THAP1: variants seen among roughly 807,000 people sequenced by gnomAD.
THAP1 encodes THAP domain containing 1.
In THAP1, 6 loss-of-function variants were observed where a neutral mutation model predicts 18.2. The observed-to-expected ratio is 0.33, with a 90% confidence interval of 0.18 to 0.65. THAP1 has a LOEUF of 0.65. Among genes scored for constraint, THAP1 ranks in the 30% least tolerant of loss-of-function variants. THAP1 has a pLI of 0.74. For missense variants in THAP1, 176 were observed against 253.0 expected (o/e 0.70, Z 2.06); for synonymous variants, 85 against 90.5 (o/e 0.94, Z 0.34).
chr8:42,841,758 G>A (rs1312751790), intron 1 of THAP1, among the ~76,000 whole-genome samples: 1 of 152,130 alleles, frequency 6.6e-6, no homozygotes, highest in Non-Finnish European at 1.5e-5. Flanking sequence ...CATTTAGAAA[G>A]AACATGTTTA....
intron 1 of THAP1, among the ~76,000 whole-genome samples, chr8:42,840,163 C>A (rs192352714): frequency 6.6e-6 from 1 of 152,224 alleles, no homozygotes; most frequent in African/African-American, 2.4e-5. Context: ...CCACTGCACT[C>A]CAGCCTGGGT....
At chr8:42,839,570 G>A (rs1802678739) in intron 1 of THAP1, among the ~76,000 whole-genome samples, 189 bp from the exon 2 acceptor site, 1 of 152,034 alleles carries the variant, frequency 6.6e-6, no homozygotes, top group South Asian at 2.1e-4. Context: ...ATTTTTTTGA[G>A]ATGCCGTCTT....
chr8:42,837,681 T>TA lies in THAP1; in HGVS notation c.*280dup, dbSNP rs886062946. 256 of 209,512 alleles carry TA rather than the reference T, an allele frequency of 1.2e-3. No individual in the cohort carries two copies. Among genetic ancestry groups the TA allele is most frequent in the East Asian group, 5.2e-3 (47 of 9,022 alleles). The allele number at this position is 209,512 out of a possible 1,614,324, so 13.0% of individuals were successfully genotyped here. A position where few individuals can be genotyped will look rare whatever the true frequency, so the allele number is the denominator to read the frequency against. On this transcript the variant is annotated 3_prime_UTR_variant, in exon 3 of 3. Coordinates refer to ENST00000254250, the MANE Select transcript of THAP1 (RefSeq NM_018105.3). ...ATTTTTACATTATTTCTATAAATACTAAAAAAAAACCCCAAAATCCCCAAT... is the reference window on the plus strand; with the variant it reads ...ATTTTTACATTATTTCTATAAATACTAAAAAAAAAACCCCAAAATCCCCAAT...
Position 42,842,624 on chromosome 8 carries a change from G to A in THAP1, c.71+400C>T, listed in dbSNP as rs72644042. ...CTCCCATCCACGGCAAGGGCGAAAA[G>A]TAGTGATTTCTTCGTTTAAAGGCCT... On this transcript the variant is annotated intron_variant, in intron 1 of 2. Transcript: ENST00000254250. 1,211 of 152,730 alleles carry A rather than the reference G, an allele frequency of 7.9e-3. 10 individuals carry two copies. Among genetic ancestry groups the A allele is most frequent in the Middle Eastern group, 0.014 (4 of 296 alleles). 9.5% of individuals were successfully genotyped at this position (152,730 alleles called of 1,614,324 possible).
Position 42,837,472 on chromosome 8 carries a change from T to C in THAP1, c.*490A>G, listed in dbSNP as rs1266131488. On this transcript the variant is annotated 3_prime_UTR_variant, in exon 3 of 3. Coordinates refer to ENST00000254250, the MANE Select transcript of THAP1 (RefSeq NM_018105.3). ...ACTGATTCAGAAAGATAAATGAACC[T>C]TGTGACTTTACATATGAGAATATGT... is the stretch of plus-strand genomic sequence containing the variant. The C allele has an allele frequency of 1.3e-5, 2 of 152,498 alleles. No homozygotes were observed. Among genetic ancestry groups the C allele is most frequent in the African/African-American group, 4.8e-5 (2 of 41,442 alleles). 9.4% of individuals were successfully genotyped at this position (152,498 alleles called of 1,614,324 possible).
At chr8:42,838,375 T>C (rs1326723498) in intron 2 of THAP1, 39 bp from the exon 3 acceptor site, 1 of 1,608,440 alleles carries the variant, frequency 6.2e-7, no homozygotes, top group Non-Finnish European at 8.5e-7. Flanking sequence ...ATTTAGTAAC[T>C]AAAAACAGTT....
intron 1 of THAP1, chr8:42,842,671 C>T (rs1409507301): frequency 1.3e-5 from 2 of 157,090 alleles, no homozygotes; most frequent in Admixed American, 6.5e-5. Context: ...TTAAATTTAC[C>T]CCTAAGACCA....
At chr8:42,840,796 G>A (rs1197213848) in intron 1 of THAP1, among the ~76,000 whole-genome samples, 3 of 151,846 alleles carry the variant, frequency 2.0e-5, no homozygotes, top group Admixed American at 6.6e-5. Context: ...GTGAAACCCT[G>A]TCTCTACTAA....
At chr8:42,840,184 T>C (rs934254040) in intron 1 of THAP1, among the ~76,000 whole-genome samples, 2 of 152,018 alleles carry the variant, frequency 1.3e-5, no homozygotes, top group Non-Finnish European at 2.9e-5. Flanking sequence ...GACAGAGCCA[T>C]ACCGTCTCAA....
Position 42,839,179 on chromosome 8 carries a change from A to G in THAP1, c.267+7T>C, listed in dbSNP as rs776323533. 41 of 1,613,906 alleles carry G rather than the reference A, an allele frequency of 2.5e-5. No individual in the cohort carries two copies. In the South Asian group the frequency reaches 3.2e-4, roughly 13 times the overall value. On this transcript the variant is annotated splice_region_variant and intron_variant, in intron 2 of 2. Coordinates refer to ENST00000254250, the MANE Select transcript of THAP1 (RefSeq NM_018105.3). ...AAAGCAACCCAATATTTTAAAATGCATATTACCTTGTCATGTGGCTCAGTA... is the reference window on the plus strand; with the variant it reads ...AAAGCAACCCAATATTTTAAAATGCGTATTACCTTGTCATGTGGCTCAGTA...
intron 1 of THAP1, among the ~76,000 whole-genome samples, chr8:42,839,726 T>C (rs1201674382): frequency 5.3e-5 from 8 of 152,196 alleles, no homozygotes; most frequent in African/African-American, 1.7e-4. Context: ...TTTGTACTTT[T>C]AGTAGAGATG....
In THAP1 at chr8:42,837,322, T is replaced by A. The variant is rs1055874390; in HGVS notation, c.*640A>T. On this transcript the variant is annotated 3_prime_UTR_variant, in exon 3 of 3. Transcript: ENST00000254250. ...CAGTAGGGGAAAAAATAGGAGCCCA[T>A]GTAAAAAAAAAAAATCCACTCTTAG... is the stretch of plus-strand genomic sequence containing the variant. The A allele has an allele frequency of 2.0e-5, 3 of 151,610 alleles. No homozygotes were observed. The highest frequency in any genetic ancestry group is 7.3e-5 in the African/African-American group (3 of 41,296). 9.4% of individuals were successfully genotyped at this position (151,610 alleles called of 1,614,324 possible). A position where few individuals can be genotyped will look rare whatever the true frequency, so the allele number is the denominator to read the frequency against.
chr8:42,839,069 T>C (rs990260939), intron 2 of THAP1, 117 bp downstream of exon 2: 8 of 1,107,070 alleles, frequency 7.2e-6, no homozygotes, highest in Admixed American at 5.7e-5. Flanking sequence ...CACTGTTAAC[T>C]ACAAGGTTCC....
chr8:42,838,173 TG>T lies in THAP1; in HGVS notation c.430del (p.His144ThrfsTer9), dbSNP rs1802650121. ...DHNYTVEDTMHQRKRIHQLEQ... is the reference protein window; with the variant it reads ...DHNYTVEDTMXQRKRIHQLEQ... The stretch of plus-strand genomic sequence containing the variant: ...TAGCTGATGAATCCTTTTCCGCTGG[TG>T]CATTGTATCCTCCACAGTATAGTTG... On this transcript the variant is annotated frameshift_variant, in exon 3 of 3. Transcript: ENST00000254250. LOFTEE classifies it high-confidence loss of function. 6.2e-7 allele frequency: 1 copy of T among 1,614,048 alleles called. No homozygotes were observed. Among genetic ancestry groups the T allele is most frequent in the Non-Finnish European group, 8.5e-7 (1 of 1,180,046 alleles).
chr8:42,843,169 G>T lies in THAP1; in HGVS notation c.-75C>A. Reference sequence around the variant, plus strand: ...AGCTGTTCTCAGTGTCGCTGCGCTCGGTTGGATTCCCTCGCTTCTTTTGTA... The same window carrying T: ...AGCTGTTCTCAGTGTCGCTGCGCTCTGTTGGATTCCCTCGCTTCTTTTGTA... On this transcript the variant is annotated 5_prime_UTR_variant, in exon 1 of 3. Transcript: ENST00000254250. 6.4e-7 allele frequency: 1 copy of T among 1,572,852 alleles called. No homozygotes were observed. The highest frequency in any genetic ancestry group is 1.3e-5 in the African/African-American group (1 of 74,108).
At chr8:42,841,477 C>T (rs939369391) in intron 1 of THAP1, among the ~76,000 whole-genome samples, 6 of 151,758 alleles carry the variant, frequency 4.0e-5, no homozygotes, top group South Asian at 2.1e-4. Context: ...TTAGTAGAGA[C>T]GGGATTTTGC....
chr8:42,839,695 C>T (rs563040351), intron 1 of THAP1, among the ~76,000 whole-genome samples: 176 of 152,224 alleles, frequency 1.2e-3, no homozygotes, highest in Non-Finnish European at 2.0e-3. Context: ...CTCAGGCGTG[C>T]GCCACCACGC....
In THAP1 at chr8:42,843,063, T is replaced by C. The variant is rs1192493866; in HGVS notation, c.32A>G (p.Lys11Arg). The change falls in exon 1 of 3, where the codon AAG becomes AGG. Residue 11 changes from lysine (K) to arginine (R), a missense_variant. Coordinates refer to ENST00000254250, the MANE Select transcript of THAP1 (RefSeq NM_018105.3). Reference sequence around the variant, plus strand: ...GGGCTTGTCCTTGTCGTAGCGGTTCTTGCAGCCGTAGGCGGAGCAGGACTG... The same window carrying C: ...GGGCTTGTCCTTGTCGTAGCGGTTCCTGCAGCCGTAGGCGGAGCAGGACTG... MVQSCSAYGC[K>R]NRYDKDKPVS... 1 of 1,613,354 alleles carries C rather than the reference T, an allele frequency of 6.2e-7. No individual in the cohort carries two copies. The highest frequency in any genetic ancestry group is 2.2e-5 in the East Asian group (1 of 44,890).
At position 42,843,113 on chromosome 8, in the gene THAP1, C is replaced by G. The variant is rs924163308; in HGVS notation, c.-19G>C. On this transcript the variant is annotated 5_prime_UTR_variant, in exon 1 of 3. Coordinates refer to ENST00000254250, the MANE Select transcript of THAP1 (RefSeq NM_018105.3). ...GCACCATCCTTCCGGTCCTCAGGCA[C>G]TTCACTTCTGCCGCCGCAGAAGGCA... is the stretch of plus-strand genomic sequence containing the variant. 2.5e-6 allele frequency: 4 copies of G among 1,613,284 alleles called. No individual in the cohort carries two copies. The highest frequency in any genetic ancestry group is 1.7e-5 in the Admixed American group (1 of 60,004).
Sources: allele counts gnomAD v4.1 joint callset (sites outside exome capture counted in the v4.1 genomes callset), GRCh38; gene constraint gnomAD v4.1.1; transcripts MANE v1.5; gene names NCBI Gene and HGNC (gene_info 2026-07-23, HGNC 2026-07-21).